The following SPOCK3 variants were observed in gnomAD, a reference collection of about 807,000 sequenced individuals.
The protein encoded by SPOCK3 is SPARC (osteonectin), cwcv and kazal like domains proteoglycan 3.
Under a neutral mutation model 56.6 loss-of-function variants are expected in SPOCK3, and 30 were observed. The observed-to-expected ratio is 0.53, with a 90% CI of 0.40 to 0.72. The LOEUF (loss-of-function observed/expected upper bound fraction) is 0.72, where lower values mean the gene tolerates loss of function less well. Ranked by LOEUF, SPOCK3 falls within the 30% of genes least tolerant of loss-of-function variation. SPOCK3 has a pLI of 0.00. For missense variants in SPOCK3, 527 were observed against 530.0 expected (o/e 0.99, Z 0.06); for synonymous variants, 196 against 183.3 (o/e 1.07, Z -0.56).
At chr4:166,905,069 G>C (rs35331303) in intron 5 of SPOCK3, among the ~76,000 whole-genome samples, 1 of 151,620 alleles carries the variant, frequency 6.6e-6, no homozygotes, top group East Asian at 1.9e-4. Context: ...CTAGTTTGTA[G>C]ACATTATAAA....
Position 167,034,181 on chromosome 4 carries a change from C to A in SPOCK3, c.235+28311G>T, listed in dbSNP as rs1195232850. ...ATGAAGCTATTTAAATGCAGCCAAT[C>A]TAGGAATAAGTGAAAAAATATTTTA... On this transcript the variant is annotated intron_variant, in intron 3 of 10. Coordinates refer to ENST00000357545, the MANE Select transcript of SPOCK3 (RefSeq NM_001040159.2). Among the ~76,000 whole-genome samples the A allele has an allele frequency of 2.6e-5, 4 of 151,766 alleles. No individual in the cohort carries two copies. In the East Asian group the frequency reaches 5.8e-4, roughly 22 times the overall value.
intron 2 of SPOCK3, among the ~76,000 whole-genome samples, chr4:167,115,965 A>G (rs542008048): frequency 6.6e-6 from 1 of 152,210 alleles, no homozygotes; most frequent in African/African-American, 2.4e-5. Flanking sequence ...ACAATTACTA[A>G]AAGTAATTCT....
At position 166,912,668 on chromosome 4, in the gene SPOCK3, GACC is replaced by G; in HGVS notation, c.423_425del (p.Val142del). ...CTGAACCACAAACAGGGCTGGGATA[GACC>G]ACTGGGCACTGCTTGCAGGTGGATA... On this transcript the variant is annotated inframe_deletion, in exon 5 of 11. Coordinates refer to ENST00000357545, the MANE Select transcript of SPOCK3 (RefSeq NM_001040159.2). The G allele has an allele frequency of 6.2e-7, 1 of 1,613,662 alleles. No individual in the cohort carries two copies. The highest frequency in any genetic ancestry group is 8.5e-7 in the Non-Finnish European group (1 of 1,179,768).
chr4:167,095,730 A>C (rs545821598), intron 2 of SPOCK3, among the ~76,000 whole-genome samples: 1 of 151,912 alleles, frequency 6.6e-6, no homozygotes, highest in African/African-American at 2.4e-5. Context: ...TGAATGACAT[A>C]AACCTCCCAA....
rs768529777 is a variant in SPOCK3 at position 166,875,650 on chromosome 4, T to C, written c.589+13480A>G. 1.3e-3 allele frequency among the ~76,000 whole-genome samples: 201 copies of C among 151,890 alleles called. 1 individual carries two copies. The highest frequency in any genetic ancestry group is 4.6e-4 in the Non-Finnish European group (31 of 67,932). On this transcript the variant is annotated intron_variant, in intron 6 of 10. Transcript: ENST00000357545. The stretch of plus-strand genomic sequence containing the variant: ...AACCAAAGGAGACAATATAAGAAAA[T>C]GGAAAATATTAAATTAGAGTAATTA...
chr4:166,804,893 T>G (rs1465757331), intron 6 of SPOCK3, among the ~76,000 whole-genome samples: 2 of 152,146 alleles, frequency 1.3e-5, no homozygotes, highest in Non-Finnish European at 2.9e-5. Flanking sequence ...GTGCTGTATG[T>G]TGTTTCATGA....
At chr4:167,151,681 C>T (rs970165823) in intron 2 of SPOCK3, among the ~76,000 whole-genome samples, 2 of 151,968 alleles carry the variant, frequency 1.3e-5, no homozygotes, top group Non-Finnish European at 2.9e-5. Flanking sequence ...GTGATCCGCC[C>T]GTCTCGGCCT....
chr4:166,979,701 C>A (rs115446879), intron 4 of SPOCK3, among the ~76,000 whole-genome samples: 2 of 152,140 alleles, frequency 1.3e-5, no homozygotes, highest in Non-Finnish European at 2.9e-5. Flanking sequence ...ATGCCTAACT[C>A]TAAAGAGTTT....
At position 167,228,445 on chromosome 4, in the gene SPOCK3, C is replaced by T. The variant is rs542908150; in HGVS notation, c.189+5540G>A. 3.9e-5 allele frequency among the ~76,000 whole-genome samples: 6 copies of T among 152,200 alleles called. No individual in the cohort carries two copies. The South Asian group carries it at 6.2e-4, about 16-fold the overall frequency. On this transcript the variant is annotated intron_variant, in intron 2 of 10. Transcript: ENST00000357545. ...CTGTTAGGATAAACACATAGAAAAT[C>T]GAGTAAAGTTTTGTGATCAATTCAT...
chr4:166,904,148 T>C, intron 5 of SPOCK3, among the ~76,000 whole-genome samples: 1 of 151,886 alleles, frequency 6.6e-6, no homozygotes, highest in East Asian at 1.9e-4. Flanking sequence ...ATATTATTAG[T>C]CCTGCTCCTT....
At chr4:166,837,312 C>G (rs1458757894) in intron 6 of SPOCK3, among the ~76,000 whole-genome samples, 1 of 152,110 alleles carries the variant, frequency 6.6e-6, no homozygotes, top group Non-Finnish European at 1.5e-5. Flanking sequence ...AATAAGCCCA[C>G]CAATACCTTC....
intron 2 of SPOCK3, among the ~76,000 whole-genome samples, chr4:167,211,950 C>T (rs1186415539): frequency 6.6e-6 from 1 of 152,110 alleles, no homozygotes; most frequent in Admixed American, 6.5e-5. Flanking sequence ...TACTATTTAC[C>T]AAATTGTTCA....
intron 7 of SPOCK3, among the ~76,000 whole-genome samples, chr4:166,775,068 G>C (rs1386147534): frequency 4.6e-5 from 7 of 152,154 alleles, no homozygotes; most frequent in Admixed American, 3.9e-4. Flanking sequence ...GATTATTTGA[G>C]CAGAAATATA....
At chr4:166,770,583 G>A (rs374520704) in intron 7 of SPOCK3, among the ~76,000 whole-genome samples, 7 of 152,066 alleles carry the variant, frequency 4.6e-5, no homozygotes, top group African/African-American at 1.4e-4. Flanking sequence ...AAACTGATAT[G>A]TCTAATTGAA....
At chr4:166,921,731 A>C (rs1044195338) in intron 4 of SPOCK3, among the ~76,000 whole-genome samples, 2 of 152,234 alleles carry the variant, frequency 1.3e-5, no homozygotes, top group Admixed American at 6.5e-5. Flanking sequence ...ACTATAAAAA[A>C]GCCTTTCAAA....
intron 7 of SPOCK3, among the ~76,000 whole-genome samples, chr4:166,781,443 G>A (rs1454260726): frequency 6.6e-6 from 1 of 151,542 alleles, no homozygotes; most frequent in Non-Finnish European, 1.5e-5. Flanking sequence ...AGGAGGAGGA[G>A]GAAGAGAGAA....
chr4:166,939,666 G>C (rs1024319818), intron 4 of SPOCK3, among the ~76,000 whole-genome samples: 11 of 152,196 alleles, frequency 7.2e-5, no homozygotes, highest in Admixed American at 2.0e-4. Flanking sequence ...ATACATAGTA[G>C]GAGCTCATTA....
At chr4:166,825,597 A>G (rs1196547023) in intron 6 of SPOCK3, among the ~76,000 whole-genome samples, 1 of 152,096 alleles carries the variant, frequency 6.6e-6, no homozygotes, top group African/African-American at 2.4e-5. Flanking sequence ...TCATGTTTAT[A>G]GCGGCACAAT....
chr4:166,889,765 A>AAT (rs1420444663), intron 5 of SPOCK3, among the ~76,000 whole-genome samples: 1 of 151,948 alleles, frequency 6.6e-6, no homozygotes, highest in Admixed American at 6.6e-5. Context: ...AGAATTGTAA[A>AAT]ATATATATAT....
Sources: gnomAD v4.1 joint callset for allele counts (sites outside exome capture counted in the v4.1 genomes callset) on GRCh38, gnomAD v4.1.1 for gene constraint, MANE v1.5 for transcripts, NCBI Gene and HGNC (gene_info 2026-07-23, HGNC 2026-07-21) for gene names.